The following EIF2A variants were observed in gnomAD, a reference collection of about 807,000 sequenced individuals.
EIF2A encodes eukaryotic translation initiation factor 2A, also known as 65 kDa eukaryotic translation initiation factor 2A.
EIF2A carries 62 observed loss-of-function variants against 75.2 expected under a neutral mutation model. The ratio of observed to expected loss-of-function variants is 0.82; its 90% CI spans 0.67 to 1.02. The LOEUF (loss-of-function observed/expected upper bound fraction) is 1.02. EIF2A is among the 50% of genes least tolerant of loss of function. EIF2A has a pLI of 0.00. For synonymous variants in EIF2A, 207 were observed against 239.0 expected (o/e 0.87, Z 1.23); for missense variants, 611 against 677.7 (o/e 0.90, Z 1.09).
chr3:150,563,263 C>T (rs1371112873), intron 4 of EIF2A, among the ~76,000 whole-genome samples: 1 of 152,060 alleles, frequency 6.6e-6, no homozygotes, highest in Non-Finnish European at 1.5e-5. Context: ...AGTTTTTGTT[C>T]TTTCAAGAGG....
rs781323723 is a variant in EIF2A, at chr3:150,567,912, A to G, written c.560A>G (p.Tyr187Cys). The G allele has an allele frequency of 1.5e-5, 24 of 1,605,156 alleles. No homozygotes were observed. Among genetic ancestry groups the G allele is most frequent in the Admixed American group, 1.7e-5 (1 of 57,532 alleles). ...PGPQPYKVAV[Y>C]VPGSKGAPSF... is the part of the protein sequence containing the mutation. ...GTCTATGTATCTTAGGTGGCTGTCT[A>G]TGTTCCAGGAAGTAAAGGTGCACCT... Residue 187 changes from tyrosine to cysteine, a missense_variant, in exon 8 of 14, where the codon TAT (tyrosine) becomes TGT (cysteine). Coordinates refer to ENST00000460851, the MANE Select transcript of EIF2A (RefSeq NM_032025.5).
chr3:150,548,644 A>T (rs750396638), intron 1 of EIF2A, among the ~76,000 whole-genome samples: 6 of 152,246 alleles, frequency 3.9e-5, no homozygotes, highest in Admixed American at 6.5e-5. Flanking sequence ...TGAACTGTGC[A>T]TACAAGAGAT....
chr3:150,556,652 G>A (rs1233850208), intron 2 of EIF2A, among the ~76,000 whole-genome samples: 3 of 152,070 alleles, frequency 2.0e-5, no homozygotes, highest in African/African-American at 4.8e-5. Flanking sequence ...AGTTACTTAA[G>A]CTTGATGATG....
intron 11 of EIF2A, 46 bp downstream of exon 11, chr3:150,575,808 G>A (rs1179406457): frequency 2.0e-6 from 3 of 1,504,640 alleles, no homozygotes; most frequent in Admixed American, 2.0e-5. Context: ...GTCAGTTATG[G>A]CCGGGCGCAG....
chr3:150,550,840 T>G (rs902187444), intron 1 of EIF2A, among the ~76,000 whole-genome samples: 5 of 152,194 alleles, frequency 3.3e-5, no homozygotes, highest in African/African-American at 9.7e-5. Flanking sequence ...CTAATTTTTG[T>G]AGAGACAGCA....
At chr3:150,568,427 T>TA in intron 9 of EIF2A, 135 bp downstream of exon 9, 1 of 692,898 alleles carries the variant, frequency 1.4e-6, no homozygotes, top group Non-Finnish European at 2.2e-6. Context: ...GATAAAATTT[T>TA]TCTTAATTAA....
At chr3:150,564,179 G>GT (rs931981345) in intron 5 of EIF2A, 120 bp from the exon 6 acceptor site, 5 of 687,962 alleles carry the variant, frequency 7.3e-6, no homozygotes, top group Non-Finnish European at 1.2e-5. Context: ...ATATTTATAA[G>GT]TGTTTATAAG....
At chr3:150,561,915 C>A (rs963074222) in intron 3 of EIF2A, among the ~76,000 whole-genome samples, 2 of 151,478 alleles carry the variant, frequency 1.3e-5, no homozygotes, top group African/African-American at 2.4e-5. Flanking sequence ...CCCACTGCCA[C>A]GCCCGGCTAA....
In EIF2A at chr3:150,558,376, TG is replaced by T; in HGVS notation, c.99-11del. On this transcript the variant is annotated splice_polypyrimidine_tract_variant and intron_variant, in intron 2 of 13. Coordinates refer to ENST00000460851, the MANE Select transcript of EIF2A (RefSeq NM_032025.5). ...CTTATTCATTTAAACCTTTTTTTTT[TG>T]TCATTTTCAGGGAATCTGGGAAGAA... 2.7e-6 allele frequency: 4 copies of T among 1,503,664 alleles called. No individual in the cohort carries two copies. Among genetic ancestry groups the T allele is most frequent in the Admixed American group, 5.5e-5 (2 of 36,358 alleles). 93.1% of individuals were successfully genotyped at this position (1,503,664 alleles called of 1,614,324 possible). A position where few individuals can be genotyped will look rare whatever the true frequency, so the allele number is the denominator to read the frequency against.
chr3:150,576,315 G>A (rs1724866287), intron 11 of EIF2A, among the ~76,000 whole-genome samples: 1 of 151,936 alleles, frequency 6.6e-6, no homozygotes, highest in African/African-American at 2.4e-5. Flanking sequence ...GTACCCCGTA[G>A]TCCCAGCTGC....
intron 1 of EIF2A, among the ~76,000 whole-genome samples, chr3:150,549,222 C>CT (rs11341363): frequency 0.082 from 11,129 of 136,436 alleles, 461 homozygotes; most frequent in African/African-American, 0.098. Flanking sequence ...TTCTTTCTTT[C>CT]TTTTTTTTTT....
intron 3 of EIF2A, among the ~76,000 whole-genome samples, chr3:150,561,665 T>C: frequency 6.6e-6 from 1 of 152,154 alleles, no homozygotes; most frequent in South Asian, 2.1e-4. Flanking sequence ...AGCTTCTCTA[T>C]AGATTAGTTT....
At chr3:150,577,980 A>G (rs16862744) in intron 11 of EIF2A, among the ~76,000 whole-genome samples, 48,287 of 151,944 alleles carry the variant, frequency 0.32, 8,035 homozygotes, top group East Asian at 0.4. Context: ...AAAATGATCT[A>G]TTCCATGCAT....
At chr3:150,562,027 G>A (rs1723898662) in intron 3 of EIF2A, among the ~76,000 whole-genome samples, 1 of 151,960 alleles carries the variant, frequency 6.6e-6, no homozygotes, top group Non-Finnish European at 1.5e-5. Flanking sequence ...CCAAAGTGCT[G>A]GGATTACAGG....
rs546426871 is a variant in EIF2A, at chr3:150,572,256, G to A, written c.1110G>A (p.Glu370=). Residue 370 remains glutamate (E), a synonymous_variant, in exon 10 of 14, where the codon GAG becomes GAA. Transcript: ENST00000460851. Reference sequence around the variant, plus strand: ...ATTTTGCTTGGTGCCCGGATGGTGAGCATATTTTAACAGCTACATGTGCTC... The same window carrying A: ...ATTTTGCTTGGTGCCCGGATGGTGAACATATTTTAACAGCTACATGTGCTC... ...STYFAWCPDG[E]HILTATCAPR... The A allele has an allele frequency of 6.2e-7, 1 of 1,613,908 alleles. No individual in the cohort carries two copies. The highest frequency in any genetic ancestry group is 1.1e-5 in the South Asian group (1 of 91,078).
intron 2 of EIF2A, among the ~76,000 whole-genome samples, chr3:150,553,974 A>G (rs983335943): frequency 6.6e-6 from 1 of 152,220 alleles, no homozygotes; most frequent in Non-Finnish European, 1.5e-5. Flanking sequence ...ATCTCTAAAT[A>G]CAATTCTTCA....
chr3:150,573,433 G>C (rs1044902847), intron 10 of EIF2A, among the ~76,000 whole-genome samples: 5 of 152,120 alleles, frequency 3.3e-5, no homozygotes, highest in African/African-American at 1.2e-4. Flanking sequence ...TTTATTTTTA[G>C]TAGAGATGGG....
chr3:150,584,003 C>A lies in EIF2A; in HGVS notation c.*92C>A, dbSNP rs1725337214. 1 of 1,129,216 alleles carries A rather than the reference C, an allele frequency of 8.9e-7. No homozygotes were observed. Among genetic ancestry groups the A allele is most frequent in the East Asian group, 2.5e-5 (1 of 40,484 alleles). 69.9% of individuals were successfully genotyped at this position (1,129,216 alleles called of 1,614,324 possible). On this transcript the variant is annotated 3_prime_UTR_variant, in exon 14 of 14. Coordinates refer to ENST00000460851, the MANE Select transcript of EIF2A (RefSeq NM_032025.5). ...TATACACAGAATATTCCTGTGCCCA[C>A]ACTTAATGTCAATCTATAATTTTAA...
intron 1 of EIF2A, 142 bp downstream of exon 1, chr3:150,546,972 C>T (rs2107891285): frequency 8.8e-7 from 1 of 1,137,600 alleles, no homozygotes; most frequent in South Asian, 1.4e-5. Context: ...TGTTGGCTTT[C>T]TTGATATAGC....
Sources: gnomAD v4.1 joint callset for allele counts (sites outside exome capture counted in the v4.1 genomes callset) on GRCh38, gnomAD v4.1.1 for gene constraint, MANE v1.5 for transcripts, NCBI Gene and HGNC (gene_info 2026-07-23, HGNC 2026-07-21) for gene names.